PELI2: variants seen among roughly 807,000 people sequenced by gnomAD.
PELI2 encodes pellino E3 ubiquitin protein ligase family member 2.
Under a neutral mutation model 42.3 loss-of-function variants are expected in PELI2, and 23 were observed. The observed-to-expected ratio is 0.54, with a 90% CI of 0.39 to 0.77. The LOEUF (loss-of-function observed/expected upper bound fraction) is 0.77, where lower values mean the gene tolerates loss of function less well. Among genes scored for constraint, PELI2 ranks in the 30% least tolerant of loss-of-function variants. PELI2 has a pLI of 0.00. For synonymous variants in PELI2, 245 were observed against 212.2 expected, an observed-to-expected ratio of 1.15 and a Z score of -1.34; for missense variants, 463 against 553.2, an observed-to-expected ratio of 0.84 and a Z score of 1.64.
intron 2 of PELI2, among the ~76,000 whole-genome samples, chr14:56,254,570 C>T (rs1888459647): frequency 6.6e-6 from 1 of 152,112 alleles, no homozygotes; most frequent in South Asian, 2.1e-4. Flanking sequence ...CCATTCAGGG[C>T]ATAGGCGTGG....
intron 1 of PELI2, among the ~76,000 whole-genome samples, chr14:56,124,473 C>A (rs1452917919): frequency 2.0e-5 from 3 of 152,224 alleles, no homozygotes; most frequent in Non-Finnish European, 4.4e-5. Context: ...ACAGCTAGGA[C>A]AAGGCAGACA....
At chr14:56,168,569 G>A (rs945173324) in intron 1 of PELI2, among the ~76,000 whole-genome samples, 3 of 152,110 alleles carry the variant, frequency 2.0e-5, no homozygotes, top group African/African-American at 7.2e-5. Flanking sequence ...CCTCAGGGCA[G>A]TGGGGTCCCC....
intron 2 of PELI2, among the ~76,000 whole-genome samples, chr14:56,278,285 G>T (rs530316799): frequency 1.2e-4 from 18 of 152,042 alleles, no homozygotes; most frequent in Non-Finnish European, 1.9e-4. Context: ...AATAAAAATT[G>T]TATATATTCA....
rs561840840 is a variant in PELI2 at position 56,291,562 on chromosome 14, A to C, written c.696+1106A>C. Among the ~76,000 whole-genome samples, 3 of 152,372 alleles carry C rather than the reference A, an allele frequency of 2.0e-5. No individual in the cohort carries two copies. In the East Asian group the frequency reaches 5.8e-4, roughly 29 times the overall value. ...AAATTTTGTATGAATGTTTTCAAGAAATTGTAAACAAAGGAGGAAATGTGA... is the reference window on the plus strand; with the variant it reads ...AAATTTTGTATGAATGTTTTCAAGACATTGTAAACAAAGGAGGAAATGTGA... On this transcript the variant is annotated intron_variant, in intron 5 of 5. Transcript: ENST00000267460.
Position 56,297,088 on chromosome 14 carries a change from T to C in PELI2, c.1185T>C (p.Ala395=), listed in dbSNP as rs1452875231. 2 of 1,610,496 alleles carry C rather than the reference T, an allele frequency of 1.2e-6. No homozygotes were observed. Among genetic ancestry groups the C allele is most frequent in the Admixed American group, 1.7e-5 (1 of 60,004 alleles). The change falls in exon 6 of 6, where the codon GCT becomes GCC. Residue 395 remains alanine (A), a synonymous_variant. Transcript: ENST00000267460. The part of the protein sequence containing the change: ...PLPHGTHAFH[A]ACPFCATQLV... Reference sequence around the variant, plus strand: ...CTCATGGAACTCATGCATTTCACGCTGCTTGCCCTTTCTGTGCTACACAGC... The same window carrying C: ...CTCATGGAACTCATGCATTTCACGCCGCTTGCCCTTTCTGTGCTACACAGC...
chr14:56,252,847 A>C (rs56280775), intron 2 of PELI2, among the ~76,000 whole-genome samples: 19,994 of 152,182 alleles, frequency 0.13, 1,680 homozygotes, highest in Middle Eastern at 0.2. Context: ...CTCCTCCTCA[A>C]CTCATTCTAT....
intron 2 of PELI2, among the ~76,000 whole-genome samples, chr14:56,246,780 G>A (rs577657423): frequency 3.3e-5 from 5 of 152,128 alleles, no homozygotes; most frequent in African/African-American, 4.8e-5. Flanking sequence ...AAGTAGCAGC[G>A]CTGTGTCTCC....
At chr14:56,244,209 G>A (rs1888072573) in intron 2 of PELI2, among the ~76,000 whole-genome samples, 1 of 152,188 alleles carries the variant, frequency 6.6e-6, no homozygotes, top group African/African-American at 2.4e-5. Context: ...TTGCTGAGAA[G>A]TTTGCAACAT....
chr14:56,259,508 TAGTC>T (rs981801553), intron 2 of PELI2, among the ~76,000 whole-genome samples: 15 of 152,150 alleles, frequency 9.9e-5, no homozygotes, highest in Admixed American at 9.2e-4. Context: ...GTTCAAAAGT[TAGTC>T]AGTGTAATTC....
At chr14:56,224,834 A>C (rs1887282562) in intron 2 of PELI2, among the ~76,000 whole-genome samples, 1 of 137,634 alleles carries the variant, frequency 7.3e-6, no homozygotes, top group Admixed American at 7.8e-5. Context: ...AGTTGAATTA[A>C]AATGCAAAAA....
intron 5 of PELI2, among the ~76,000 whole-genome samples, chr14:56,294,515 A>C (rs537036545): frequency 1.1e-4 from 17 of 152,312 alleles, no homozygotes; most frequent in African/African-American, 3.8e-4. Context: ...AAAGCCGCCA[A>C]AGTCCTTTGA....
chr14:56,281,726 A>G (rs1213592073), intron 3 of PELI2, among the ~76,000 whole-genome samples: 8 of 152,130 alleles, frequency 5.3e-5, no homozygotes, highest in Non-Finnish European at 8.8e-5. Flanking sequence ...TAAAATACCT[A>G]CAATCAGATA....
At chr14:56,255,650 T>C (rs970038330) in intron 2 of PELI2, among the ~76,000 whole-genome samples, 2 of 151,810 alleles carry the variant, frequency 1.3e-5, no homozygotes, top group African/African-American at 2.4e-5. Context: ...AAAAGTGGGG[T>C]TGGGGGAAGG....
intron 1 of PELI2, among the ~76,000 whole-genome samples, chr14:56,173,530 C>T (rs887150083): frequency 6.6e-6 from 1 of 152,148 alleles, no homozygotes; most frequent in African/African-American, 2.4e-5. Context: ...GCTGCCATAA[C>T]ACATTACCAC....
chr14:56,269,320 G>C (rs181426672), intron 2 of PELI2, among the ~76,000 whole-genome samples: 1 of 152,018 alleles, frequency 6.6e-6, no homozygotes, highest in Non-Finnish European at 1.5e-5. Context: ...GTGTGCGCCT[G>C]TGGTCCCAGC....
intron 2 of PELI2, among the ~76,000 whole-genome samples, chr14:56,179,613 G>T (rs900112953): frequency 6.6e-6 from 1 of 152,082 alleles, no homozygotes; most frequent in Non-Finnish European, 1.5e-5. Flanking sequence ...AACATTTTTA[G>T]GTGGAAAGAA....
intron 2 of PELI2, among the ~76,000 whole-genome samples, chr14:56,186,555 A>G (rs1309155459): frequency 6.6e-6 from 1 of 152,190 alleles, no homozygotes; most frequent in Non-Finnish European, 1.5e-5. Context: ...CAAATGCAAA[A>G]TACCTCACAT....
chr14:56,211,398 A>C (rs12590244), intron 2 of PELI2, among the ~76,000 whole-genome samples: 1 of 151,804 alleles, frequency 6.6e-6, no homozygotes, highest in Non-Finnish European at 1.5e-5. Context: ...TCCCTGGGTT[A>C]CCCCCTCTAC....
intron 2 of PELI2, among the ~76,000 whole-genome samples, chr14:56,185,388 A>G (rs572998562): frequency 1.3e-5 from 2 of 152,308 alleles, no homozygotes; most frequent in East Asian, 3.9e-4. Context: ...TTACTCACAA[A>G]GCAAACATTA....
Sources: gnomAD v4.1 joint callset for allele counts (sites outside exome capture counted in the v4.1 genomes callset) on GRCh38, gnomAD v4.1.1 for gene constraint, MANE v1.5 for transcripts, NCBI Gene and HGNC (gene_info 2026-07-23, HGNC 2026-07-21) for gene names.